ACVR2A: variants seen among roughly 807,000 people sequenced by gnomAD.
ACVR2A encodes the protein activin A receptor type 2A.
In ACVR2A, 7 loss-of-function variants were observed where a neutral mutation model predicts 61.4. The observed-to-expected ratio is 0.11, with a 90% CI of 0.06 to 0.21. The LOEUF is 0.21. Ranked by LOEUF, ACVR2A falls within the 10% of genes least tolerant of loss-of-function variation. The pLI, the probability that ACVR2A is intolerant of heterozygous loss-of-function variation, is 1.00. For synonymous variants in ACVR2A, 193 were observed against 208.3 expected (o/e 0.93, Z 0.63); for missense variants, 322 against 621.7 (o/e 0.52, Z 5.13).
At chr2:147,891,780 T>C (rs1233029047) in intron 1 of ACVR2A, among the ~76,000 whole-genome samples, 1 of 152,210 alleles carries the variant, frequency 6.6e-6, no homozygotes, top group Admixed American at 6.5e-5. Context: ...TCTGAATCTT[T>C]ACATAAAAAA....
chr2:147,853,098 T>G (rs1425652622), intron 1 of ACVR2A, among the ~76,000 whole-genome samples: 1 of 152,032 alleles, frequency 6.6e-6, no homozygotes, highest in Non-Finnish European at 1.5e-5. Flanking sequence ...CACTACTAAA[T>G]AAAATTGGTA....
intron 4 of ACVR2A, among the ~76,000 whole-genome samples, chr2:147,907,879 A>C (rs1022951416): frequency 6.6e-6 from 1 of 151,864 alleles, no homozygotes; most frequent in Non-Finnish European, 1.5e-5. Context: ...TCTCTACTAA[A>C]AATACAAAAA....
At chr2:147,900,113 T>C (rs964117677) in intron 4 of ACVR2A, among the ~76,000 whole-genome samples, 8 of 152,156 alleles carry the variant, frequency 5.3e-5, no homozygotes, top group Admixed American at 1.3e-4. Flanking sequence ...TCGAGTAGAA[T>C]GAAGGGATAT....
intron 1 of ACVR2A, among the ~76,000 whole-genome samples, chr2:147,862,441 C>T (rs550771645): frequency 2.0e-5 from 3 of 152,228 alleles, no homozygotes; most frequent in Non-Finnish European, 1.5e-5. Flanking sequence ...TGATTAAGAA[C>T]ATTTAAAATT....
At chr2:147,896,236 C>A (rs987655805) in intron 1 of ACVR2A, 65 bp from the exon 2 acceptor site, 8 of 1,438,406 alleles carry the variant, frequency 5.6e-6, no homozygotes, top group Non-Finnish European at 6.7e-6. Context: ...AAGTTGCTAT[C>A]TTGGGAAACA....
At chr2:147,911,087 T>TA (rs1687099824) in intron 4 of ACVR2A, among the ~76,000 whole-genome samples, 1 of 152,140 alleles carries the variant, frequency 6.6e-6, no homozygotes, top group Non-Finnish European at 1.5e-5. Context: ...TAGCTATATA[T>TA]AAATTTGTTA....
intron 1 of ACVR2A, among the ~76,000 whole-genome samples, chr2:147,851,392 A>G (rs906878027): frequency 2.0e-5 from 3 of 152,042 alleles, no homozygotes; most frequent in Non-Finnish European, 4.4e-5. Context: ...TCATCTACAC[A>G]ATGGGGGGAT....
chr2:147,892,260 G>C (rs1686606436), intron 1 of ACVR2A, among the ~76,000 whole-genome samples: 1 of 151,776 alleles, frequency 6.6e-6, no homozygotes, highest in Non-Finnish European at 1.5e-5. Flanking sequence ...GTGAGCCACC[G>C]TGCTGGGCCC....
At chr2:147,856,764 C>CTTTCT (rs1398579709) in intron 1 of ACVR2A, among the ~76,000 whole-genome samples, 4 of 152,160 alleles carry the variant, frequency 2.6e-5, no homozygotes, top group Admixed American at 2.6e-4. Flanking sequence ...GAATAAAACA[C>CTTTCT]CTTTCTGAAT....
chr2:147,901,352 G>A (rs1265255447), intron 4 of ACVR2A, among the ~76,000 whole-genome samples: 1 of 151,942 alleles, frequency 6.6e-6, no homozygotes, highest in African/African-American at 2.4e-5. Context: ...GGTTTTTATA[G>A]GAGGAGTTTT....
At chr2:147,865,998 C>T (rs1337442737) in intron 1 of ACVR2A, among the ~76,000 whole-genome samples, 1 of 152,066 alleles carries the variant, frequency 6.6e-6, no homozygotes. Flanking sequence ...CTCTGTCAGG[C>T]CTGGTGAGTT....
rs1451473312 is a variant in ACVR2A at position 147,928,342 on chromosome 2, ATTCT to A, written c.*1071_*1074del. ...CTTTTCACCAAACAGTGTGTGGGACATTCTTTATCACTGTTTTAGGATCACCTCA... is the reference window on the plus strand; with the variant it reads ...CTTTTCACCAAACAGTGTGTGGGACATTATCACTGTTTTAGGATCACCTCA... On this transcript the variant is annotated 3_prime_UTR_variant, in exon 11 of 11. Coordinates refer to ENST00000241416, the MANE Select transcript of ACVR2A (RefSeq NM_001616.5). 2 of 152,264 alleles carry A rather than the reference ATTCT, an allele frequency of 1.3e-5. No homozygotes were observed. The highest frequency in any genetic ancestry group is 2.9e-5 in the Non-Finnish European group (2 of 67,910). 9.4% of individuals were successfully genotyped at this position (152,264 alleles called of 1,614,324 possible).
chr2:147,872,205 C>T (rs1686038864), intron 1 of ACVR2A, among the ~76,000 whole-genome samples: 1 of 151,964 alleles, frequency 6.6e-6, no homozygotes, highest in African/African-American at 2.4e-5. Context: ...AAAAGTCATA[C>T]ATTATTTTTG....
intron 4 of ACVR2A, among the ~76,000 whole-genome samples, chr2:147,914,574 A>G (rs1357890551): frequency 6.6e-6 from 1 of 151,908 alleles, no homozygotes; most frequent in East Asian, 1.9e-4. Context: ...TCTCAGATCA[A>G]AGGGATGAAT....
At chr2:147,858,230 C>T (rs559173996) in intron 1 of ACVR2A, among the ~76,000 whole-genome samples, 1 of 152,224 alleles carries the variant, frequency 6.6e-6, no homozygotes, top group Admixed American at 6.5e-5. Flanking sequence ...CTTTGAAATG[C>T]TATGCCAAAT....
chr2:147,872,206 A>G (rs1427554347), intron 1 of ACVR2A, among the ~76,000 whole-genome samples: 1 of 152,010 alleles, frequency 6.6e-6, no homozygotes, highest in Non-Finnish European at 1.5e-5. Flanking sequence ...AAAGTCATAC[A>G]TTATTTTTGC....
chr2:147,870,448 T>TA (rs1685984272), intron 1 of ACVR2A, among the ~76,000 whole-genome samples: 1 of 152,192 alleles, frequency 6.6e-6, no homozygotes, highest in Admixed American at 6.5e-5. Context: ...TTTTTCTTGT[T>TA]AGAGTGTTTG....
At chr2:147,923,142 A>G in intron 9 of ACVR2A, 31 bp downstream of exon 9, 1 of 1,591,768 alleles carries the variant, frequency 6.3e-7, no homozygotes. Context: ...TAAAAAAGAT[A>G]TATATGCCTA....
intron 10 of ACVR2A, among the ~76,000 whole-genome samples, 195 bp from the exon 11 acceptor site, chr2:147,926,885 A>ATAG (rs963132686): frequency 3.3e-5 from 5 of 151,656 alleles, no homozygotes; most frequent in Non-Finnish European, 7.4e-5. Flanking sequence ...TCCTCTTGTG[A>ATAG]TAGTCTCATG....
Sources: allele counts gnomAD v4.1 joint callset (sites outside exome capture counted in the v4.1 genomes callset), GRCh38; gene constraint gnomAD v4.1.1; transcripts MANE v1.5; gene names NCBI Gene and HGNC (gene_info 2026-07-23, HGNC 2026-07-21).